The following KCNIP1 variants were observed in gnomAD, a reference collection of about 807,000 sequenced individuals.
The protein encoded by KCNIP1 is A-type potassium channel modulatory protein KCNIP1.
A neutral mutation model predicts 33.0 loss-of-function variants in KCNIP1; 18 were observed. The observed-to-expected ratio is 0.55, with a 90% CI of 0.38 to 0.81. The LOEUF is 0.81. Ranked by LOEUF, KCNIP1 falls within the 30% of genes least tolerant of loss-of-function variation. The pLI is 0.00. For missense variants in KCNIP1, 238 were observed against 271.6 expected (o/e 0.88, Z 0.87); for synonymous variants, 93 against 98.3 (o/e 0.95, Z 0.32).
At chr5:170,513,022 C>A (rs1754996288) in intron 1 of KCNIP1, among the ~76,000 whole-genome samples, 1 of 151,670 alleles carries the variant, frequency 6.6e-6, no homozygotes, top group African/African-American at 2.4e-5. Flanking sequence ...TGCACTCCAG[C>A]CTGGGCGACA....
At position 170,718,817 on chromosome 5, in the gene KCNIP1, C is replaced by A; in HGVS notation, c.121C>A (p.Gln41Lys). 1 of 1,609,434 alleles carries A rather than the reference C, an allele frequency of 6.2e-7. No homozygotes were observed. The highest frequency in any genetic ancestry group is 8.5e-7 in the Non-Finnish European group (1 of 1,178,648). The change falls in exon 2 of 8, where the codon CAG (glutamine) becomes AAG (lysine). Residue 41 changes from glutamine (Q) to lysine (K), a missense_variant. Transcript: ENST00000328939. ...TTGCCATCGGCCCGAGGGACTGGAG[C>A]AGCTCGAGGCCCAGACCAACTTCAC... ...MVCHRPEGLE[Q>K]LEAQTNFTKR...
intron 1 of KCNIP1, among the ~76,000 whole-genome samples, chr5:170,682,015 T>G (rs1314891978): frequency 6.6e-6 from 1 of 152,228 alleles, no homozygotes; most frequent in East Asian, 1.9e-4. Flanking sequence ...GTATTCGGTG[T>G]ATATTCTTCC....
intron 1 of KCNIP1, among the ~76,000 whole-genome samples, chr5:170,589,781 T>TGGTGC (rs879721110): frequency 9.0e-4 from 109 of 120,848 alleles, no homozygotes; most frequent in Non-Finnish European, 1.4e-3. Flanking sequence ...TGGTGTGGTG[T>TGGTGC]GATGTGATGT....
intron 1 of KCNIP1, among the ~76,000 whole-genome samples, chr5:170,356,393 G>A (rs533383162): frequency 6.5e-4 from 99 of 152,224 alleles, no homozygotes; most frequent in South Asian, 4.6e-3. Context: ...TGGGGGACAA[G>A]GAGGGTCCAG....
At position 170,622,354 on chromosome 5, in the gene KCNIP1, G is replaced by A. The variant is rs557466444; in HGVS notation, c.62-96404G>A. ...GAAGGGATACAGGCCGGGGCCAGTAGCTCACGCCTGTAATCCCAGCACTTT... is the reference window on the plus strand; with the variant it reads ...GAAGGGATACAGGCCGGGGCCAGTAACTCACGCCTGTAATCCCAGCACTTT... On this transcript the variant is annotated intron_variant, in intron 1 of 7. Transcript: ENST00000328939. Among the ~76,000 whole-genome samples the A allele has an allele frequency of 2.6e-5, 4 of 152,248 alleles. No individual in the cohort carries two copies. In the East Asian group the frequency reaches 5.8e-4, roughly 22 times the overall value.
chr5:170,512,716 C>G (rs1302107064), intron 1 of KCNIP1, among the ~76,000 whole-genome samples: 2 of 152,204 alleles, frequency 1.3e-5, no homozygotes, highest in African/African-American at 4.8e-5. Context: ...GTGTGCTCCT[C>G]CAACCAACAG....
intron 1 of KCNIP1, among the ~76,000 whole-genome samples, chr5:170,564,834 T>A (rs1294618775): frequency 6.6e-6 from 1 of 151,778 alleles, no homozygotes; most frequent in Admixed American, 6.6e-5. Flanking sequence ...ATCTATCAGG[T>A]TTCATCCATT....
At chr5:170,608,579 C>T (rs1372573839) in intron 1 of KCNIP1, among the ~76,000 whole-genome samples, 1 of 152,064 alleles carries the variant, frequency 6.6e-6, no homozygotes, top group Non-Finnish European at 1.5e-5. Context: ...TGAGACCAGC[C>T]TGGCCAACAT....
chr5:170,477,361 T>A (rs1756880864), intron 1 of KCNIP1, among the ~76,000 whole-genome samples: 1 of 151,634 alleles, frequency 6.6e-6, no homozygotes, highest in Non-Finnish European at 1.5e-5. Context: ...AAAGTAAATA[T>A]TTCTTGTTAA....
Position 170,417,020 on chromosome 5 carries a change from C to A in KCNIP1, c.88+63056C>A, listed in dbSNP as rs115624928. Among the ~76,000 whole-genome samples, 953 of 152,234 alleles carry A rather than the reference C, an allele frequency of 6.3e-3. 11 individuals carry two copies. The highest frequency in any genetic ancestry group is 0.021 in the African/African-American group (890 of 41,514). Reference sequence around the variant, plus strand: ...AGCAATTCTACCACTAGGAACTGAGCCTAAGGAGGTATAAATATTTAGTTA... The same window carrying A: ...AGCAATTCTACCACTAGGAACTGAGACTAAGGAGGTATAAATATTTAGTTA... On this transcript the variant is annotated intron_variant, in intron 1 of 7. Transcript: ENST00000377360.
rs144530360 is a variant in KCNIP1 at position 170,433,307 on chromosome 5, C to T, written c.88+79343C>T. Among the ~76,000 whole-genome samples, 1,140 of 152,262 alleles carry T rather than the reference C, an allele frequency of 7.5e-3. 16 individuals carry two copies. The highest frequency in any genetic ancestry group is 0.026 in the African/African-American group (1,096 of 41,532). ...GTTCGGGCGATTCTCCTGCCTCAGT[C>T]TCCTGAGTAGCTGGGATTACAGGCG... On this transcript the variant is annotated intron_variant, in intron 1 of 7. Coordinates refer to the KCNIP1 transcript ENST00000377360.
chr5:170,648,921 A>G lies in KCNIP1; in HGVS notation c.62-69837A>G, dbSNP rs1321528786. ...TTTGCAGTGAGCCTAAAACTACTCT[A>G]AAAAATAAAGTTTATTAATCAACAA... On this transcript the variant is annotated intron_variant, in intron 1 of 7. Transcript: ENST00000328939. 3.9e-5 allele frequency among the ~76,000 whole-genome samples: 6 copies of G among 152,206 alleles called. No individual in the cohort carries two copies. In the East Asian group the frequency reaches 7.7e-4, roughly 20 times the overall value.
At chr5:170,707,070 T>C (rs1297667996) in intron 1 of KCNIP1, among the ~76,000 whole-genome samples, 2 of 150,340 alleles carry the variant, frequency 1.3e-5, no homozygotes, top group African/African-American at 4.9e-5. Flanking sequence ...TCTACTGAAA[T>C]ACACTAGCTG....
In KCNIP1 at chr5:170,355,014, C is replaced by T. The variant is rs555511101; in HGVS notation, c.88+1050C>T. Among the ~76,000 whole-genome samples, 5 of 152,338 alleles carry T rather than the reference C, an allele frequency of 3.3e-5. No individual in the cohort carries two copies. In the East Asian group the frequency reaches 9.6e-4, roughly 29 times the overall value. On this transcript the variant is annotated intron_variant, in intron 1 of 7. Coordinates refer to the KCNIP1 transcript ENST00000377360. ...AATGAGAGCAGAGAAAGGCTATATGCAGCCAGATCTCATGACATGGCTCAG... is the reference window on the plus strand; with the variant it reads ...AATGAGAGCAGAGAAAGGCTATATGTAGCCAGATCTCATGACATGGCTCAG...
intron 1 of KCNIP1, among the ~76,000 whole-genome samples, chr5:170,691,392 G>C (rs189572111): frequency 1.2e-3 from 188 of 152,308 alleles, no homozygotes; most frequent in Non-Finnish European, 2.0e-3. Flanking sequence ...GCATGGAAAC[G>C]ATCTGGTATC....
intron 1 of KCNIP1, among the ~76,000 whole-genome samples, chr5:170,660,027 G>A (rs1761415067): frequency 1.3e-5 from 2 of 152,146 alleles, no homozygotes; most frequent in Non-Finnish European, 2.9e-5. Context: ...GGTGGGAGGA[G>A]CATGAAGAAA....
intron 4 of KCNIP1, 53 bp from the exon 5 acceptor site, chr5:170,722,660 A>T: frequency 8.1e-7 from 1 of 1,238,784 alleles, no homozygotes; most frequent in Non-Finnish European, 1.2e-6. Flanking sequence ...ACACAGCTTC[A>T]CACTGTCTGA....
rs547115164 is a variant in KCNIP1, at chr5:170,527,887, G to C, written c.61+23254G>C. Among the ~76,000 whole-genome samples the C allele has an allele frequency of 3.9e-5, 6 of 152,026 alleles. No individual in the cohort carries two copies. The East Asian group carries it at 1.2e-3, about 29-fold the overall frequency. On this transcript the variant is annotated intron_variant, in intron 1 of 7. Transcript: ENST00000328939. The stretch of plus-strand genomic sequence containing the variant: ...ATCTCATATCAAGTAACATTCATTT[G>C]GGGGGACGCACTTAAATTAATAGTT...
intron 1 of KCNIP1, among the ~76,000 whole-genome samples, chr5:170,484,934 T>C (rs1757053332): frequency 2.2e-5 from 2 of 90,048 alleles, no homozygotes; most frequent in Non-Finnish European, 4.8e-5. Context: ...TTTTGTTTTT[T>C]CTTTTTTCTT....
Sources: gnomAD v4.1 joint callset for allele counts (sites outside exome capture counted in the v4.1 genomes callset) on GRCh38, gnomAD v4.1.1 for gene constraint, MANE v1.5 for transcripts, NCBI Gene and HGNC (gene_info 2026-07-23, HGNC 2026-07-21) for gene names.